The following PXDNL variants were observed in gnomAD, a reference collection of about 807,000 sequenced individuals.
PXDNL encodes the protein peroxidasin like, also known as probable oxidoreductase PXDNL.
PXDNL carries 145 observed loss-of-function variants against 150.8 expected under a neutral mutation model. That is an observed-to-expected ratio of 0.96 (90% CI 0.84 to 1.10). The LOEUF (loss-of-function observed/expected upper bound fraction) is 1.10, where lower values mean the gene tolerates loss of function less well. Ranked by LOEUF, PXDNL falls within the 50% of genes least tolerant of loss-of-function variation. The pLI is 0.00. For synonymous variants in PXDNL, 757 were observed against 725.7 expected (o/e 1.04, Z -0.69); for missense variants, 2,087 against 1,873.9 (o/e 1.11, Z -2.10).
intron 2 of PXDNL, among the ~76,000 whole-genome samples, chr8:51,595,019 G>A (rs913745848): frequency 2.0e-5 from 3 of 151,904 alleles, no homozygotes; most frequent in African/African-American, 7.3e-5. Flanking sequence ...CAAAAAAGAA[G>A]CGAACAAAAC....
chr8:51,553,771 T>TATATATATATATATAC (rs1236843720), intron 4 of PXDNL, among the ~76,000 whole-genome samples: 52 of 63,758 alleles, frequency 8.2e-4, no homozygotes, highest in African/African-American at 4.5e-3. Context: ...TATATATATA[T>TATATATATATATATAC]ACACACACTG....
chr8:51,625,291 G>GA (rs140111205), intron 2 of PXDNL, among the ~76,000 whole-genome samples: 3,108 of 152,216 alleles, frequency 0.02, 100 homozygotes, highest in African/African-American at 0.07. Flanking sequence ...CTTCAATAGA[G>GA]AAAAAAGCGA....
chr8:51,533,746 C>G (rs1454802807), intron 4 of PXDNL, among the ~76,000 whole-genome samples: 12 of 151,156 alleles, frequency 7.9e-5, no homozygotes, highest in Admixed American at 3.3e-4. Flanking sequence ...CTCGGCCTCC[C>G]GAGGTGCCGG....
intron 2 of PXDNL, among the ~76,000 whole-genome samples, chr8:51,644,764 A>G (rs1814881255): frequency 6.6e-6 from 1 of 151,792 alleles, no homozygotes; most frequent in South Asian, 2.1e-4. Flanking sequence ...GATGATATTT[A>G]TATTTTTAAA....
chr8:51,423,530 A>C (rs770429638), intron 14 of PXDNL, 45 bp downstream of exon 14: 2 of 1,571,384 alleles, frequency 1.3e-6, no homozygotes, highest in East Asian at 4.5e-5. Flanking sequence ...GAAGCTGTTC[A>C]AAGACAGTTA....
chr8:51,617,990 T>C lies in PXDNL; in HGVS notation c.237-25292A>G, dbSNP rs545140270. On this transcript the variant is annotated intron_variant, in intron 2 of 22. Transcript: ENST00000356297. ...CTCCAATACGGGGATTTCCAAGTGG[T>C]TATAAAATGCCTTTTGAAGAAAATC... Among the ~76,000 whole-genome samples, 5 of 152,266 alleles carry C rather than the reference T, an allele frequency of 3.3e-5. No individual in the cohort carries two copies. In the East Asian group the frequency reaches 9.6e-4, roughly 29 times the overall value.
chr8:51,372,531 C>T (rs998199389), intron 18 of PXDNL, among the ~76,000 whole-genome samples: 2 of 152,162 alleles, frequency 1.3e-5, no homozygotes, highest in Non-Finnish European at 2.9e-5. Context: ...ATTACAGGCT[C>T]CTGTCACCAT....
At chr8:51,738,922 GA>G (rs35418880) in intron 1 of PXDNL, among the ~76,000 whole-genome samples, 80,802 of 149,100 alleles carry the variant, frequency 0.54, 26,277 homozygotes, top group Non-Finnish European at 0.71. Context: ...AAAATTAGTC[GA>G]AAATAGTACA....
Position 51,602,747 on chromosome 8 carries a change from G to A in PXDNL, c.237-10049C>T, listed in dbSNP as rs922349542. 3.3e-5 allele frequency among the ~76,000 whole-genome samples: 5 copies of A among 151,320 alleles called. No individual in the cohort carries two copies. In the South Asian group the frequency reaches 8.3e-4, roughly 25 times the overall value. Reference sequence around the variant, plus strand: ...TCAACTTATTAAAAACCCTTTGTAAGCAAAAAATTAAACGTTTGTTTATGT... The same window carrying A: ...TCAACTTATTAAAAACCCTTTGTAAACAAAAAATTAAACGTTTGTTTATGT... On this transcript the variant is annotated intron_variant, in intron 2 of 22. Transcript: ENST00000356297.
intron 2 of PXDNL, among the ~76,000 whole-genome samples, chr8:51,638,811 G>T (rs1295332866): frequency 6.6e-6 from 1 of 151,992 alleles, no homozygotes; most frequent in East Asian, 1.9e-4. Context: ...AAGTTAAAAA[G>T]GATATCCAGG....
chr8:51,443,425 A>G (rs1278427401), intron 12 of PXDNL, among the ~76,000 whole-genome samples: 1 of 152,152 alleles, frequency 6.6e-6, no homozygotes, highest in African/African-American at 2.4e-5. Context: ...GAAATTGGGC[A>G]AAGAAGATCA....
intron 17 of PXDNL, among the ~76,000 whole-genome samples, chr8:51,407,121 T>G (rs1166289850): frequency 6.6e-6 from 1 of 152,228 alleles, no homozygotes; most frequent in Non-Finnish European, 1.5e-5. Context: ...AACAGAGATT[T>G]AAACCAGGTC....
intron 12 of PXDNL, among the ~76,000 whole-genome samples, chr8:51,445,959 TC>T (rs910191393): frequency 6.6e-6 from 1 of 151,358 alleles, no homozygotes; most frequent in African/African-American, 2.4e-5. Flanking sequence ...CAATCCTTTT[TC>T]CCCCCCGTAG....
chr8:51,401,054 G>C (rs1808232062), intron 17 of PXDNL, among the ~76,000 whole-genome samples: 1 of 152,072 alleles, frequency 6.6e-6, no homozygotes, highest in Non-Finnish European at 1.5e-5. Context: ...GAACTCTGGG[G>C]ATTCAAAGAT....
chr8:51,602,090 C>A (rs935513510), intron 2 of PXDNL, among the ~76,000 whole-genome samples: 1 of 151,476 alleles, frequency 6.6e-6, no homozygotes, highest in Admixed American at 6.6e-5. Context: ...GCCTGATGGG[C>A]TTCCCTTTGT....
At chr8:51,516,261 T>C (rs374558672) in intron 4 of PXDNL, among the ~76,000 whole-genome samples, 12 of 152,292 alleles carry the variant, frequency 7.9e-5, no homozygotes, top group African/African-American at 2.4e-4. Context: ...AAAATATGCA[T>C]GGTGAAAAGC....
intron 4 of PXDNL, among the ~76,000 whole-genome samples, chr8:51,551,351 A>C (rs1253236890): frequency 1.3e-5 from 2 of 152,166 alleles, no homozygotes; most frequent in African/African-American, 4.8e-5. Flanking sequence ...ATGGAACCAA[A>C]AAAGAGCCCA....
At chr8:51,425,158 G>A (rs10109706) in intron 13 of PXDNL, among the ~76,000 whole-genome samples, 112,006 of 152,108 alleles carry the variant, frequency 0.74, 42,731 homozygotes, top group Non-Finnish European at 0.84. Flanking sequence ...TGAAATATTC[G>A]CTTGGAGTCT....
At chr8:51,423,242 T>C (rs962694050) in intron 14 of PXDNL, among the ~76,000 whole-genome samples, 1 of 152,204 alleles carries the variant, frequency 6.6e-6, no homozygotes, top group African/African-American at 2.4e-5. Context: ...TTGAATTCCA[T>C]ATTATGCTTC....
Sources: gnomAD v4.1 joint callset for allele counts (sites outside exome capture counted in the v4.1 genomes callset) on GRCh38, gnomAD v4.1.1 for gene constraint, MANE v1.5 for transcripts, NCBI Gene and HGNC (gene_info 2026-07-23, HGNC 2026-07-21) for gene names.